The following CCDC171 variants were observed in gnomAD, a reference collection of about 807,000 sequenced individuals.
The protein encoded by CCDC171 is coiled-coil domain-containing protein 171.
CCDC171 carries 177 observed loss-of-function variants against 168.2 expected under a neutral mutation model. The observed-to-expected ratio is 1.05, with a 90% confidence interval of 0.93 to 1.19. CCDC171 has a LOEUF of 1.19. Ranked by LOEUF, CCDC171 falls within the 50% of genes most tolerant of loss-of-function variation. CCDC171 has a pLI of 0.00. For synonymous variants in CCDC171, 687 were observed against 540.8 expected (o/e 1.27, Z -3.75); for missense variants, 1,991 against 1,539.0 (o/e 1.29, Z -4.91).
chr9:16,006,956 A>G (rs1185691039), intron 3 of CCDC171, among the ~76,000 whole-genome samples: 1 of 152,158 alleles, frequency 6.6e-6, no homozygotes. Context: ...CAGTAATGGG[A>G]TGGCTGGGTC....
chr9:15,777,204 C>T (rs1040315981), intron 18 of CCDC171, among the ~76,000 whole-genome samples: 2 of 151,968 alleles, frequency 1.3e-5, no homozygotes, highest in African/African-American at 4.8e-5. Flanking sequence ...ATTTTAATTG[C>T]CTTGGAATAA....
intron 16 of CCDC171, among the ~76,000 whole-genome samples, chr9:15,735,741 A>G (rs2054451602): frequency 6.6e-6 from 1 of 152,172 alleles, no homozygotes; most frequent in Non-Finnish European, 1.5e-5. Flanking sequence ...GTTGGAGGTG[A>G]TAATTCCTTA....
At chr9:15,957,803 A>G (rs893628233) in intron 25 of CCDC171, among the ~76,000 whole-genome samples, 5 of 152,194 alleles carry the variant, frequency 3.3e-5, no homozygotes, top group African/African-American at 4.8e-5. Context: ...TTGAGAATGG[A>G]CACTGGCCAA....
chr9:15,884,264 A>T (rs1819088314), intron 24 of CCDC171, among the ~76,000 whole-genome samples: 2 of 89,938 alleles, frequency 2.2e-5, no homozygotes, highest in Admixed American at 1.4e-4. Context: ...TCTTTGGGTG[A>T]TTATGAGGAT....
intron 7 of CCDC171, among the ~76,000 whole-genome samples, chr9:15,630,271 C>T (rs1361579694): frequency 3.9e-5 from 6 of 152,150 alleles, no homozygotes; most frequent in Non-Finnish European, 8.8e-5. Flanking sequence ...GTGCTGTATT[C>T]AGGAAACCCA....
chr9:15,748,306 A>C (rs1438979100), intron 18 of CCDC171, among the ~76,000 whole-genome samples: 2 of 152,206 alleles, frequency 1.3e-5, no homozygotes, highest in African/African-American at 4.8e-5. Flanking sequence ...AAAGCCTCCA[A>C]GAAATAGGGG....
chr9:15,563,055 G>C (rs564800581), intron 1 of CCDC171, among the ~76,000 whole-genome samples: 1 of 151,402 alleles, frequency 6.6e-6, no homozygotes, highest in Admixed American at 6.6e-5. Context: ...TCAGTGGCCT[G>C]TTAGAAAGAA....
chr9:15,560,850 T>TC (rs35428378), intron 1 of CCDC171, among the ~76,000 whole-genome samples: 67,267 of 151,894 alleles, frequency 0.44, 15,866 homozygotes, highest in East Asian at 0.74. Context: ...CTCTGGTTTC[T>TC]CCCATCTTTG....
intron 11 of CCDC171, among the ~76,000 whole-genome samples, chr9:15,705,221 T>C (rs1486948741): frequency 6.6e-6 from 1 of 152,110 alleles, no homozygotes; most frequent in Admixed American, 6.6e-5. Context: ...TAATGAAGTT[T>C]TGCACCTTGA....
chr9:15,795,395 A>G (rs2058500182), intron 21 of CCDC171, among the ~76,000 whole-genome samples: 1 of 152,202 alleles, frequency 6.6e-6, no homozygotes. Context: ...ATTTTAACAC[A>G]TGAACTTTGG....
chr9:15,642,360 T>TATATATATATACAC (rs2046700027), intron 7 of CCDC171, among the ~76,000 whole-genome samples: 3 of 42,150 alleles, frequency 7.1e-5, no homozygotes, highest in African/African-American at 1.7e-4. Flanking sequence ...TATATATATA[T>TATATATATATACAC]ATATATATAT....
chr9:15,719,416 A>AAGAG (rs145961792), intron 11 of CCDC171, among the ~76,000 whole-genome samples: 3 of 7,464 alleles, frequency 4.0e-4, no homozygotes, highest in African/African-American at 7.8e-4. Flanking sequence ...GGGCGGGGGA[A>AAGAG]AGAGAGAGAG....
At chr9:15,850,483 C>T (rs1266542488) in intron 23 of CCDC171, among the ~76,000 whole-genome samples, 1 of 151,840 alleles carries the variant, frequency 6.6e-6, no homozygotes, top group Non-Finnish European at 1.5e-5. Flanking sequence ...TGGTCTATAG[C>T]CATTGTAGAT....
intron 23 of CCDC171, among the ~76,000 whole-genome samples, chr9:15,862,100 T>C (rs1311209466): frequency 2.0e-5 from 3 of 152,042 alleles, no homozygotes; most frequent in East Asian, 3.9e-4. Flanking sequence ...AAAAAGTCAA[T>C]TGATAGTTTA....
intron 12 of CCDC171, 31 bp downstream of exon 12, chr9:15,721,906 A>AT (rs2053508016): frequency 8.0e-7 from 1 of 1,245,126 alleles, no homozygotes; most frequent in East Asian, 2.7e-5. Flanking sequence ...CTCCACACAT[A>AT]TAGCCTTCGG....
chr9:16,057,196 C>A (rs949789875), intron 1 of CCDC171, among the ~76,000 whole-genome samples: 36 of 152,212 alleles, frequency 2.4e-4, no homozygotes, highest in African/African-American at 8.4e-4. Flanking sequence ...GAGGTGGGAG[C>A]AAAGCTTATT....
At chr9:15,645,898 G>A (rs13288055) in intron 7 of CCDC171, among the ~76,000 whole-genome samples, 70,937 of 151,898 alleles carry the variant, frequency 0.47, 17,099 homozygotes, top group East Asian at 0.76. Context: ...TACAGAGAAC[G>A]CCACAAAGAT....
At chr9:15,710,233 C>T (rs1269247851) in intron 11 of CCDC171, among the ~76,000 whole-genome samples, 2 of 152,060 alleles carry the variant, frequency 1.3e-5, no homozygotes, top group South Asian at 2.1e-4. Flanking sequence ...AATTAGTATG[C>T]AGAGAAGGTC....
intron 6 of CCDC171, among the ~76,000 whole-genome samples, chr9:15,600,282 C>G (rs997017653): frequency 3.3e-5 from 5 of 152,100 alleles, no homozygotes; most frequent in African/African-American, 9.7e-5. Context: ...TACTTGTGAT[C>G]TTTGATGATG....
Sources: allele counts gnomAD v4.1 joint callset (sites outside exome capture counted in the v4.1 genomes callset), GRCh38; gene constraint gnomAD v4.1.1; transcripts MANE v1.5; gene names NCBI Gene and HGNC (gene_info 2026-07-23, HGNC 2026-07-21).